The following SERGEF variants were observed in gnomAD, a reference collection of about 807,000 sequenced individuals.
The protein encoded by SERGEF is secretion-regulating guanine nucleotide exchange factor.
Under a neutral mutation model 50.0 loss-of-function variants are expected in SERGEF, and 51 were observed. That is an observed-to-expected ratio of 1.02 (90% CI 0.81 to 1.29). The LOEUF (loss-of-function observed/expected upper bound fraction) is 1.29, where lower values mean the gene tolerates loss of function less well. Among genes scored for constraint, SERGEF ranks in the 50% most tolerant of loss-of-function variants. The probability of loss-of-function intolerance (pLI) is 0.00; values close to 1 mark genes in which losing one functional copy is unlikely to be tolerated. For missense variants in SERGEF, 521 were observed against 557.0 expected, an observed-to-expected ratio of 0.94 and a Z score of 0.65; for synonymous variants, 205 against 212.4, an observed-to-expected ratio of 0.97 and a Z score of 0.30.
At chr11:17,950,555 A>C (rs937209768) in intron 9 of SERGEF, among the ~76,000 whole-genome samples, 1 of 152,238 alleles carries the variant, frequency 6.6e-6, no homozygotes, top group African/African-American at 2.4e-5. Context: ...ACCAAACTAG[A>C]GACAAGGGCT....
chr11:17,982,882 C>T (rs2133991186), intron 8 of SERGEF, among the ~76,000 whole-genome samples: 1 of 152,258 alleles, frequency 6.6e-6, no homozygotes, highest in East Asian at 1.9e-4. Context: ...ATCAAGAGGA[C>T]ACCGATGGAA....
rs1851475351 is a variant in SERGEF at position 17,888,634 on chromosome 11, CACA to C, written c.1012-10393_1012-10391del. 1.3e-4 allele frequency among the ~76,000 whole-genome samples: 1 copy of C among 7,972 alleles called. No homozygotes were observed. The highest frequency in any genetic ancestry group is 2.8e-4 in the Non-Finnish European group (1 of 3,634). The allele number at this position is 7,972 out of a possible 152,430, so 5.2% of individuals were successfully genotyped here. On this transcript the variant is annotated intron_variant, in intron 9 of 10. Coordinates refer to ENST00000265965, the MANE Select transcript of SERGEF (RefSeq NM_012139.4). The surrounding 1 kb of genome is among the most constrained non-coding windows in gnomAD (Gnocchi z 4.1). ...CAGTATGAACTCACAGTTTTACACA[CACA>C]CACACACACACACACACACACACAC...
chr11:17,942,480 T>G (rs537352783), intron 9 of SERGEF, among the ~76,000 whole-genome samples: 1 of 152,324 alleles, frequency 6.6e-6, no homozygotes, highest in East Asian at 1.9e-4. Flanking sequence ...CCTTGCTAAA[T>G]TGCCATTTTG....
intron 9 of SERGEF, among the ~76,000 whole-genome samples, chr11:17,947,967 T>TC (rs1253291290): frequency 6.6e-6 from 1 of 151,666 alleles, no homozygotes; most frequent in East Asian, 1.9e-4. Flanking sequence ...TTTTTTTTTT[T>TC]TCTGAGACGG....
rs3741202 is a variant in SERGEF, at chr11:18,013,045, G to C, written c.-35C>G. On this transcript the variant is annotated 5_prime_UTR_variant, in exon 1 of 11. Transcript: ENST00000265965. This position sits in a 1 kb window ranked among gnomAD's most constrained non-coding sequence, Gnocchi z 4.3. Reference sequence around the variant, plus strand: ...CTCCGCCGGCGCTTCCGGGAGGGACGGCACGGGGGCGGCGCCTGCCGGGGG... The same window carrying C: ...CTCCGCCGGCGCTTCCGGGAGGGACCGCACGGGGGCGGCGCCTGCCGGGGG... 0.55 allele frequency: 733,907 copies of C among 1,331,526 alleles called. 205,964 individuals carry two copies. Among genetic ancestry groups the C allele is most frequent in the East Asian group, 0.62 (19,610 of 31,594 alleles). 82.5% of individuals were successfully genotyped at this position (1,331,526 alleles called of 1,614,324 possible). A position where few individuals can be genotyped will look rare whatever the true frequency, so the allele number is the denominator to read the frequency against.
At chr11:17,875,808 T>C (rs1851228318) in intron 10 of SERGEF, among the ~76,000 whole-genome samples, 1 of 152,256 alleles carries the variant, frequency 6.6e-6, no homozygotes, top group African/African-American at 2.4e-5. Flanking sequence ...AAAGTTTGGC[T>C]GCTTTATGTT....
intron 10 of SERGEF, among the ~76,000 whole-genome samples, chr11:17,810,038 CCTCT>C (rs1264450855): frequency 4.6e-5 from 7 of 152,076 alleles, no homozygotes; most frequent in Non-Finnish European, 1.0e-4. Flanking sequence ...AGAGAAGTGG[CCTCT>C]CTTTCTTTGA....
intron 9 of SERGEF, among the ~76,000 whole-genome samples, chr11:17,880,961 G>C (rs1175585406): frequency 1.3e-5 from 2 of 152,170 alleles, no homozygotes; most frequent in Admixed American, 6.5e-5. Flanking sequence ...ATACATGCCA[G>C]GTGTCATGCC....
At chr11:17,859,484 C>T (rs550084784) in intron 10 of SERGEF, among the ~76,000 whole-genome samples, 1 of 151,886 alleles carries the variant, frequency 6.6e-6, no homozygotes, top group Non-Finnish European at 1.5e-5. Context: ...AATAGAAGTC[C>T]CTGAAAGACA....
Position 17,995,860 on chromosome 11 carries a change from TC to T in SERGEF, c.557del (p.Arg186HisfsTer21). The T allele has an allele frequency of 6.2e-7, 1 of 1,614,078 alleles. No individual in the cohort carries two copies. Among genetic ancestry groups the T allele is most frequent in the South Asian group, 1.1e-5 (1 of 91,056 alleles). Reference protein sequence around the residue: ...QWGTGLASCGRRLCPGQTLPL... With the variant: ...QWGTGLASCGXRLCPGQTLPL... The stretch of plus-strand genomic sequence containing the variant: ...GAAGAGTCTGCCCAGGGCACAACCG[TC>T]GTCCACATGATGCCAAACCAGTCCC... On this transcript the variant is annotated frameshift_variant, in exon 6 of 11. Transcript: ENST00000265965. LOFTEE classifies it high-confidence loss of function.
intron 10 of SERGEF, among the ~76,000 whole-genome samples, chr11:17,797,603 T>C (rs568817061): frequency 5.3e-5 from 8 of 152,172 alleles, no homozygotes; most frequent in Non-Finnish European, 1.2e-4. Context: ...TATTTTATGA[T>C]CTCTCTCTCC....
chr11:17,826,406 A>G (rs1411017400), intron 10 of SERGEF, among the ~76,000 whole-genome samples: 2 of 152,232 alleles, frequency 1.3e-5, no homozygotes, highest in Non-Finnish European at 2.9e-5. Context: ...CGGGCTCCCC[A>G]GTGGGAGTTT....
chr11:17,883,719 C>T (rs1851376910), intron 9 of SERGEF, among the ~76,000 whole-genome samples: 1 of 152,124 alleles, frequency 6.6e-6, no homozygotes. Context: ...AGCCCAGTGC[C>T]AGGGACGTAA....
chr11:17,860,935 G>T (rs1042461523), intron 10 of SERGEF, among the ~76,000 whole-genome samples: 4 of 152,168 alleles, frequency 2.6e-5, no homozygotes, highest in Non-Finnish European at 5.9e-5. Flanking sequence ...ATCATCATGA[G>T]ATGGTCAGAT....
intron 9 of SERGEF, among the ~76,000 whole-genome samples, chr11:17,908,861 C>A (rs1851899698): frequency 6.6e-6 from 1 of 152,098 alleles, no homozygotes; most frequent in African/African-American, 2.4e-5. Context: ...AGAGCTCTAG[C>A]AAAGGGAAAT....
chr11:17,998,420 A>AATACATACATAC (rs1313104622), intron 5 of SERGEF, among the ~76,000 whole-genome samples: 4 of 56,384 alleles, frequency 7.1e-5, no homozygotes, highest in Non-Finnish European at 3.2e-5. Context: ...CTATCTTAAA[A>AATACATACATAC]ATACATACAT....
chr11:17,930,191 A>C (rs1184317558), intron 9 of SERGEF, among the ~76,000 whole-genome samples: 1 of 152,202 alleles, frequency 6.6e-6, no homozygotes, highest in African/African-American at 2.4e-5. Flanking sequence ...CTTCATAGAG[A>C]TGTAGTGAAG....
At chr11:17,994,513 T>C (rs1853793433) in intron 6 of SERGEF, among the ~76,000 whole-genome samples, 1 of 151,478 alleles carries the variant, frequency 6.6e-6, no homozygotes, top group Non-Finnish European at 1.5e-5. Context: ...TTAGAATTTT[T>C]CCCAGAGGGA....
chr11:17,960,686 A>C (rs1852979848), intron 8 of SERGEF, among the ~76,000 whole-genome samples: 1 of 152,342 alleles, frequency 6.6e-6, no homozygotes, highest in Non-Finnish European at 1.5e-5. Flanking sequence ...TGTCAGCTAA[A>C]AAAATAACCA....
Sources: allele counts gnomAD v4.1 joint callset (sites outside exome capture counted in the v4.1 genomes callset), GRCh38; gene constraint gnomAD v4.1.1; non-coding constraint Gnocchi (gnomAD v3.1); transcripts MANE v1.5; gene names NCBI Gene and HGNC (gene_info 2026-07-23, HGNC 2026-07-21).